The following SHANK2 variants were observed in gnomAD, a reference collection of about 807,000 sequenced individuals.
SHANK2 encodes the protein SH3 and multiple ankyrin repeat domains protein 2.
A neutral mutation model predicts 133.7 loss-of-function variants in SHANK2; 43 were observed. The observed-to-expected ratio is 0.32, with a 90% CI of 0.25 to 0.41. The LOEUF (loss-of-function observed/expected upper bound fraction) is 0.41. Ranked by LOEUF, SHANK2 falls within the 10% of genes least tolerant of loss-of-function variation. The pLI, the probability that SHANK2 is intolerant of heterozygous loss-of-function variation, is 1.00. For synonymous variants in SHANK2, 1,017 were observed against 952.8 expected (o/e 1.07, Z -1.24); for missense variants, 1,994 against 2,235.8 (o/e 0.89, Z 2.18).
chr11:70,950,136 G>A, intron 10 of SHANK2: 2 of 456,262 alleles, frequency 4.4e-6, no homozygotes, highest in Non-Finnish European at 8.8e-6. Context: ...TCAGCTCACT[G>A]CAACCTCTGT....
In SHANK2 at chr11:70,486,511, A is replaced by C; in HGVS notation, c.3782T>G (p.Phe1261Cys). The change falls in exon 25 of 26, where the codon TTC becomes TGC. Residue 1261 changes from phenylalanine to cysteine, a missense_variant. By Grantham distance (205) the Phe-to-Cys change is radical (BLOSUM62 -2). Coordinates refer to ENST00000601538, the MANE Select transcript of SHANK2 (RefSeq NM_012309.5). This position sits in a 1 kb window ranked among gnomAD's most constrained non-coding sequence, Gnocchi z 8.0. ...GGTGTTCTGCCTGGTGACCGTAGGG[A>C]AGCCGGCATCCAGGCTGGGCCGCAT... ...TKMRPSLDAG[F>C]PTVTRQNTRG... 6.2e-7 allele frequency: 1 copy of C among 1,613,882 alleles called. No homozygotes were observed. The highest frequency in any genetic ancestry group is 8.5e-7 in the Non-Finnish European group (1 of 1,179,982).
rs1948191543 is a variant in SHANK2 at position 71,252,005 on chromosome 11, CG to C, written c.-113+419del. Among the ~76,000 whole-genome samples, 1 of 152,092 alleles carries C rather than the reference CG, an allele frequency of 6.6e-6. No individual in the cohort carries two copies. The highest frequency in any genetic ancestry group is 1.5e-5 in the Non-Finnish European group (1 of 67,984). On this transcript the variant is annotated intron_variant, in intron 1 of 25. Coordinates refer to ENST00000601538, the MANE Select transcript of SHANK2 (RefSeq NM_012309.5). This position sits in a 1 kb window ranked among gnomAD's most constrained non-coding sequence, Gnocchi z 6.3. The stretch of plus-strand genomic sequence containing the variant: ...GTCCTAGGGCTGGCGGGCGGTGACC[CG>C]GGGCAAGGAGACCCCGGGAGAGCGG...
chr11:70,485,451 C>A lies in SHANK2; in HGVS notation c.4842G>T (p.Pro1614=). 6.2e-7 allele frequency: 1 copy of A among 1,613,994 alleles called. No homozygotes were observed. The highest frequency in any genetic ancestry group is 1.6e-4 in the Middle Eastern group (1 of 6,062). Residue 1614 remains proline (P), a synonymous_variant, in exon 25 of 26, where the codon CCG becomes CCT. Transcript: ENST00000601538. This position sits in a 1 kb window ranked among gnomAD's most constrained non-coding sequence, Gnocchi z 5.8. ...CGTTTGCCTTTGGGCCTGAGAGAAT[C>A]GGGCTTTTGATCTCTGTGACGTCGC... ...LWGDVTEIKS[P]ILSGPKANVI...
intron 11 of SHANK2, among the ~76,000 whole-genome samples, chr11:70,840,262 AG>A (rs531440568): frequency 2.0e-5 from 3 of 152,284 alleles, no homozygotes; most frequent in African/African-American, 7.2e-5. Flanking sequence ...GGTGCCTCGG[AG>A]GGCAGGTGAG....
intron 11 of SHANK2, among the ~76,000 whole-genome samples, chr11:70,840,344 T>C (rs1001362576): frequency 6.6e-6 from 1 of 152,214 alleles, no homozygotes; most frequent in Non-Finnish European, 1.5e-5. Context: ...CACCTGCGTG[T>C]TCTGGGTGCT....
chr11:70,685,671 G>T (rs1417699526), intron 15 of SHANK2, among the ~76,000 whole-genome samples: 1 of 152,144 alleles, frequency 6.6e-6, no homozygotes, highest in Non-Finnish European at 1.5e-5. Context: ...ATTCTGTCCT[G>T]GAGAGAACGG....
chr11:70,595,238 G>A (rs1175408816), intron 17 of SHANK2, among the ~76,000 whole-genome samples: 2 of 152,316 alleles, frequency 1.3e-5, no homozygotes, highest in East Asian at 3.9e-4. Context: ...AGGGCAGTTT[G>A]AAGGGTGCAG....
intron 13 of SHANK2, among the ~76,000 whole-genome samples, chr11:70,799,227 G>A (rs1465506228): frequency 3.3e-5 from 5 of 152,034 alleles, no homozygotes; most frequent in Admixed American, 1.3e-4. Context: ...GCCAAACCGC[G>A]TCTCTACTAA....
At chr11:70,944,964 G>C (rs1317561399) in intron 10 of SHANK2, among the ~76,000 whole-genome samples, 1 of 152,182 alleles carries the variant, frequency 6.6e-6, no homozygotes, top group Admixed American at 6.5e-5. Flanking sequence ...CTGCACTGAG[G>C]ATATTAGGTA....
At chr11:70,934,202 AGCCTGG>A (rs1337262055) in intron 10 of SHANK2, among the ~76,000 whole-genome samples, 5 of 146,662 alleles carry the variant, frequency 3.4e-5, no homozygotes, top group African/African-American at 5.0e-5. Context: ...ACTGCACTCC[AGCCTGG>A]GCAACAGAGC....
intron 12 of SHANK2, among the ~76,000 whole-genome samples, chr11:70,811,268 T>A (rs535686734): frequency 6.6e-6 from 1 of 152,284 alleles, no homozygotes; most frequent in South Asian, 2.1e-4. Context: ...AACTGTTATG[T>A]GTCTGACACA....
intron 8 of SHANK2, among the ~76,000 whole-genome samples, chr11:71,088,307 T>C (rs1181574196): frequency 1.3e-5 from 2 of 151,982 alleles, no homozygotes; most frequent in Non-Finnish European, 2.9e-5. Flanking sequence ...TCTGTATCTG[T>C]ACACACACAC....
At chr11:70,631,536 G>A (rs1298616848) in intron 17 of SHANK2, among the ~76,000 whole-genome samples, 21 of 152,164 alleles carry the variant, frequency 1.4e-4, no homozygotes, top group African/African-American at 3.9e-4. Context: ...AAGTCCCAGC[G>A]GACAGTGAGT....
intron 17 of SHANK2, among the ~76,000 whole-genome samples, chr11:70,628,427 G>C (rs2060933911): frequency 6.6e-6 from 1 of 152,136 alleles, no homozygotes; most frequent in African/African-American, 2.4e-5. Context: ...GTCCTACCCA[G>C]GCCTCGGTTT....
intron 17 of SHANK2, among the ~76,000 whole-genome samples, chr11:70,629,092 C>T (rs2060943207): frequency 6.6e-6 from 1 of 152,194 alleles, no homozygotes; most frequent in African/African-American, 2.4e-5. Flanking sequence ...GTGCTCACTG[C>T]AGCCTGAATT....
chr11:70,544,972 T>C (rs1393030003), intron 17 of SHANK2, among the ~76,000 whole-genome samples: 1 of 152,160 alleles, frequency 6.6e-6, no homozygotes, highest in East Asian at 1.9e-4. Context: ...CTGTGTCTCC[T>C]GCTGGGGTGG....
chr11:71,158,412 C>A (rs1391100558), intron 2 of SHANK2, among the ~76,000 whole-genome samples: 1 of 152,094 alleles, frequency 6.6e-6, no homozygotes, highest in Non-Finnish European at 1.5e-5. Flanking sequence ...ATGTATGAGA[C>A]CTTTGTGGAG....
At chr11:71,163,610 T>TA (rs782499475) in intron 2 of SHANK2, among the ~76,000 whole-genome samples, 1 of 152,196 alleles carries the variant, frequency 6.6e-6, no homozygotes, top group Non-Finnish European at 1.5e-5. Flanking sequence ...CCTTAGAAGA[T>TA]AAGCTCCTGG....
intron 2 of SHANK2, among the ~76,000 whole-genome samples, chr11:71,182,592 C>G (rs1953581490): frequency 6.6e-6 from 1 of 152,158 alleles, no homozygotes; most frequent in Non-Finnish European, 1.5e-5. Context: ...CCCTCCATGT[C>G]TGTGTCTGAA....
Sources: gnomAD v4.1 joint callset for allele counts (sites outside exome capture counted in the v4.1 genomes callset) on GRCh38, gnomAD v4.1.1 for gene constraint, Gnocchi (gnomAD v3.1) non-coding constraint, MANE v1.5 for transcripts, NCBI Gene and HGNC (gene_info 2026-07-23, HGNC 2026-07-21) for gene names.